ADGRD2: variants seen among roughly 807,000 people sequenced by gnomAD.
ADGRD2 encodes the protein G protein-coupled receptor PGR24.
Under a neutral mutation model 44.4 loss-of-function variants are expected in ADGRD2, and 71 were observed. That is an observed-to-expected ratio of 1.60 (90% CI 1.32 to 1.95). The LOEUF is 1.95. Ranked by LOEUF, ADGRD2 falls within the 30% of genes most tolerant of loss-of-function variation. The pLI is 0.00. For synonymous variants in ADGRD2, 481 were observed against 224.8 expected (o/e 2.14, Z -10.19); for missense variants, 1,039 against 512.4 (o/e 2.03, Z -9.92).
At chr9:124,453,701 C>CCCCCCCCTGCCCCCAA in intron 3 of ADGRD2, 25 bp downstream of exon 6, 1 of 683,260 alleles carries the variant, frequency 1.5e-6, no homozygotes, top group Non-Finnish European at 2.7e-6. Context: ...GCCCCGGCCC[C>CCCCCCCCTGCCCCCAA]ACCCCATGGC....
chr9:124,467,582 A>G, intron 11 of ADGRD2, 139 bp from the exon 15 acceptor site: 1 of 629,286 alleles, frequency 1.6e-6, no homozygotes, highest in Non-Finnish European at 2.9e-6. Context: ...TACTGTGTGC[A>G]GGCCTGGGTC....
intron 16 of ADGRD2, 96 bp from the exon 20 acceptor site, chr9:124,470,398 C>G (rs1831924621): frequency 1.6e-6 from 1 of 628,228 alleles, no homozygotes; most frequent in Non-Finnish European, 2.9e-6. Context: ...AGCTCCCACC[C>G]CGCTCCAGGC....
chr9:124,462,919 CTT>C (rs1301508970), intron 10 of ADGRD2, among the ~76,000 whole-genome samples: 1 of 150,320 alleles, frequency 6.7e-6, no homozygotes, highest in Non-Finnish European at 1.5e-5. Flanking sequence ...TCCTTCCTGA[CTT>C]TCTCTCTCTC....
At chr9:124,456,724 C>T (rs1300893570) in exon 7 of ADGRD2, 23 of 708,400 alleles carry the variant, frequency 3.2e-5, no homozygotes, top group Middle Eastern at 2.3e-4. Context: ...CATCCAGCAC[C>T]GCCATGCTGG....
rs367801222 is a variant in ADGRD2 at position 124,463,850 on chromosome 9, A to G, written c.1871-2408A>G. Among the ~76,000 whole-genome samples, 6 of 151,890 alleles carry G rather than the reference A, an allele frequency of 4.0e-5. No homozygotes were observed. The South Asian group carries it at 1.2e-3, about 32-fold the overall frequency. On this transcript the variant is annotated intron_variant, in intron 10 of 21. Coordinates refer to ENST00000334810, the Ensembl canonical transcript of ADGRD2. ...ATATTTTTATTTTTATTATTTATTT[A>G]TTTTTGAGACAGTCTCTCCCTCTGT...
upstream of ADGRD2, chr9:124,451,494 G>A (rs147377334): frequency 1.9e-4 from 67 of 346,086 alleles, no homozygotes; most frequent in South Asian, 1.2e-3. Flanking sequence ...CCACTGGTTG[G>A]TTCCCAGCTC....
intron 13 of ADGRD2, 105 bp from the exon 17 acceptor site, chr9:124,468,414 T>A: frequency 1.4e-6 from 1 of 704,754 alleles, no homozygotes; most frequent in Non-Finnish European, 2.6e-6. Flanking sequence ...CCTCACCCAC[T>A]GAGACTTCTT....
intron 17 of ADGRD2, among the ~76,000 whole-genome samples, chr9:124,473,924 A>G (rs1831998276): frequency 6.8e-6 from 1 of 148,016 alleles, no homozygotes. Context: ...CTGGCGAGAA[A>G]TGGGGCAGGA....
intron 1 of ADGRD2, 168 bp downstream of exon 4, chr9:124,452,322 T>C (rs1263716723): frequency 4.7e-6 from 3 of 637,500 alleles, no homozygotes; most frequent in Non-Finnish European, 8.6e-6. Context: ...TCCGTCTCAT[T>C]CCTGCCATTG....
intron 10 of ADGRD2, among the ~76,000 whole-genome samples, chr9:124,460,361 T>C (rs559491941): frequency 2.9e-4 from 41 of 143,812 alleles, no homozygotes; most frequent in Non-Finnish European, 5.4e-4. Context: ...CGCTACCATG[T>C]CCAGCTAATT....
rs115374078 is a variant in ADGRD2 at position 124,469,703 on chromosome 9, C to A, written c.2637+156C>A. Among the ~76,000 whole-genome samples the A allele has an allele frequency of 4.4e-3, 664 of 152,396 alleles. 9 individuals are homozygous for A. The highest frequency in any genetic ancestry group is 0.015 in the African/African-American group (621 of 41,594). ...TCTGTATTGAGTATGTGGGTACACA[C>A]GTGTCCCTGCATCTGTGTCACACAT... is the stretch of plus-strand genomic sequence containing the variant. On this transcript the variant is annotated intron_variant, in intron 16 of 21. Coordinates refer to ENST00000334810, the Ensembl canonical transcript of ADGRD2.
intron 17 of ADGRD2, among the ~76,000 whole-genome samples, chr9:124,474,852 G>A (rs911634541): frequency 3.3e-5 from 5 of 152,230 alleles, no homozygotes; most frequent in African/African-American, 4.8e-5. Context: ...GGTGCAGGGA[G>A]GGTGGTGAGG....
At chr9:124,451,997 G>GCCGGGGGGGGGGGCCCCCCCCCCCCCC, upstream of ADGRD2, 1 of 360,938 alleles carries the variant, frequency 2.8e-6, no homozygotes, top group Non-Finnish European at 5.5e-6. Flanking sequence ...TCCACTGAAT[G>GCCGGGGGGGGGGGCCCCCCCCCCCCCC]CCCCCCTCCC....
intron 3 of ADGRD2, 142 bp from the exon 7 acceptor site, chr9:124,453,857 T>TGCCCCCCCCCCCCAAAA: frequency 1.7e-6 from 1 of 587,906 alleles, no homozygotes; most frequent in Non-Finnish European, 3.0e-6. Flanking sequence ...TCTGCGCTCG[T>TGCCCCCCCCCCCCAAAA]CCCCCGGCCC....
chr9:124,475,986 C>T (rs2131263042), intron 19 of ADGRD2, among the ~76,000 whole-genome samples: 1 of 152,334 alleles, frequency 6.6e-6, no homozygotes, highest in Admixed American at 6.5e-5. Context: ...TTCCCCACTG[C>T]CAGGAAACCC....
At chr9:124,469,714 A>G (rs1036019597) in intron 16 of ADGRD2, among the ~76,000 whole-genome samples, 167 bp downstream of exon 19, 2 of 152,272 alleles carry the variant, frequency 1.3e-5, no homozygotes, top group African/African-American at 4.8e-5. Flanking sequence ...GTGTCCCTGC[A>G]TCTGTGTCAC....
At chr9:124,470,002 C>T (rs1028627228) in intron 16 of ADGRD2, among the ~76,000 whole-genome samples, 4 of 152,210 alleles carry the variant, frequency 2.6e-5, no homozygotes, top group Non-Finnish European at 4.4e-5. Flanking sequence ...TGGGGTCACA[C>T]TCTGGGAGAG....
At position 124,475,359 on chromosome 9, in the gene ADGRD2, G is replaced by C. The variant is rs1190486000; in HGVS notation, c.2759-87G>C. 2.9e-5 allele frequency: 19 copies of C among 659,724 alleles called. No homozygotes were observed. In the East Asian group the frequency reaches 5.3e-4, roughly 18 times the overall value. The allele number at this position is 659,724 out of a possible 1,614,324, so 40.9% of individuals were successfully genotyped here. ...ATCTCTGCAAGTGTCTCTGCCACTG[G>C]GAGGCGCCGGGACCCCAGGCAAGGC... On this transcript the variant is annotated intron_variant, in intron 17 of 21. Transcript: ENST00000334810.
At chr9:124,475,319 A>G in intron 17 of ADGRD2, 127 bp from the exon 21 acceptor site, 1 of 594,828 alleles carries the variant, frequency 1.7e-6, no homozygotes, top group Non-Finnish European at 3.0e-6. Flanking sequence ...CGTGCCCATC[A>G]GCCTGTCTCT....
Sources: allele counts gnomAD v4.1 joint callset (sites outside exome capture counted in the v4.1 genomes callset), GRCh38; gene constraint gnomAD v4.1.1; transcripts MANE v1.5; gene names NCBI Gene and HGNC (gene_info 2026-07-23, HGNC 2026-07-21).